Variants in SYMPK observed in about 807,000 individuals in gnomAD.
SYMPK encodes the protein symplekin.
SYMPK carries 49 observed loss-of-function variants against 136.4 expected under a neutral mutation model. The observed-to-expected ratio is 0.36, with a 90% CI of 0.29 to 0.46. The LOEUF (loss-of-function observed/expected upper bound fraction) is 0.46, where lower values mean the gene tolerates loss of function less well. Ranked by LOEUF, SYMPK falls within the 20% of genes least tolerant of loss-of-function variation. The pLI, the probability that SYMPK is intolerant of heterozygous loss-of-function variation, is 1.00. For missense variants in SYMPK, 1,365 were observed against 1,690.0 expected, an observed-to-expected ratio of 0.81 and a Z score of 3.37; for synonymous variants, 766 against 713.0, an observed-to-expected ratio of 1.07 and a Z score of -1.19.
At chr19:45,816,602 G>C in intron 24 of SYMPK, 25 bp from the exon 25 acceptor site, 3 of 1,612,666 alleles carry the variant, frequency 1.9e-6, no homozygotes, top group Non-Finnish European at 2.5e-6. Context: ...GGAAGGGGGC[G>C]CTGGGGGCAG....
In SYMPK at chr19:45,844,012, G is replaced by A. The variant is rs1000882525; in HGVS notation, c.847+18C>T. ...CAGTGAAGAGAAGGCAGGGGGAGGG[G>A]GGAGGACAATGACCTACCATGCAGA... On this transcript the variant is annotated intron_variant, in intron 8 of 26. Transcript: ENST00000245934. 21 of 1,476,434 alleles carry A rather than the reference G, an allele frequency of 1.4e-5. No homozygotes were observed. The highest frequency in any genetic ancestry group is 1.8e-5 in the Non-Finnish European group (20 of 1,105,246). 91.5% of individuals were successfully genotyped at this position (1,476,434 alleles called of 1,614,324 possible). A position where few individuals can be genotyped will look rare whatever the true frequency, so the allele number is the denominator to read the frequency against.
At chr19:45,838,408 G>A (rs764077396) in intron 10 of SYMPK, 53 bp downstream of exon 10, 39 of 1,572,968 alleles carry the variant, frequency 2.5e-5, no homozygotes, top group Middle Eastern at 3.4e-4. Flanking sequence ...GTGAAAGACC[G>A]AGGAGATCCT....
In SYMPK at chr19:45,838,574, G is replaced by A; in HGVS notation, c.1129C>T (p.Pro377Ser). The change falls in exon 10 of 27, where the codon CCA becomes TCA. Residue 377 changes from proline to serine, a missense_variant. Physicochemically the swap from Pro to Ser is moderately conservative, Grantham distance 74. Transcript: ENST00000245934. ...GCCTTCGAGGTCCCCGACGGGCCTG[G>A]CTCCAAGTCTTTGTCCTCATCGTCC... ...GEDDEDKDLE[P>S]GPSGTSKASA... The A allele has an allele frequency of 6.2e-7, 1 of 1,614,174 alleles. No individual in the cohort carries two copies. Among genetic ancestry groups the A allele is most frequent in the Non-Finnish European group, 8.5e-7 (1 of 1,180,024 alleles).
intron 17 of SYMPK, among the ~76,000 whole-genome samples, chr19:45,825,591 T>G (rs4803863): frequency 0.87 from 133,083 of 152,218 alleles, 58,389 homozygotes; most frequent in African/African-American, 0.95. Context: ...CTGGCTCCAA[T>G]CCCAGCCATG....
rs970957488 is a variant in SYMPK, at chr19:45,821,133, C to T, written c.2893+251G>A. The T allele has an allele frequency of 9.2e-6, 6 of 654,316 alleles. No homozygotes were observed. The highest frequency in any genetic ancestry group is 5.7e-5 in the African/African-American group (3 of 52,770). The allele number at this position is 654,316 out of a possible 1,614,324, so 40.5% of individuals were successfully genotyped here. On this transcript the variant is annotated intron_variant, in intron 22 of 26. Coordinates refer to ENST00000245934, the MANE Select transcript of SYMPK (RefSeq NM_004819.3). This position sits in a 1 kb window ranked among gnomAD's most constrained non-coding sequence, Gnocchi z 4.4. ...ACTCTGTGCCAGGGCACAGCAGGTA[C>T]ATCAGAGGCAGAAAAAGGTGGGTTG... is the stretch of plus-strand genomic sequence containing the variant.
intron 9 of SYMPK, among the ~76,000 whole-genome samples, chr19:45,840,314 A>C (rs1971405263): frequency 3.8e-5 from 3 of 78,896 alleles, no homozygotes; most frequent in Admixed American, 3.6e-4. Flanking sequence ...GACTGTCTCA[A>C]AAAAAAAAAA....
At chr19:45,857,783 A>G (rs567013382) in intron 1 of SYMPK, among the ~76,000 whole-genome samples, 343 of 146,156 alleles carry the variant, frequency 2.3e-3, no homozygotes, top group Middle Eastern at 4.1e-3. Context: ...GAGCCACCGC[A>G]ACCAGCCGAA....
intron 24 of SYMPK, 91 bp downstream of exon 24, chr19:45,816,707 A>T: frequency 6.7e-7 from 1 of 1,495,016 alleles, no homozygotes; most frequent in Non-Finnish European, 8.9e-7. Flanking sequence ...GTCCGCCTCC[A>T]TCCAGTCCCC....
Position 45,848,691 on chromosome 19 carries a change from T to C in SYMPK, c.426+59A>G, listed in dbSNP as rs985062546. 8 of 1,607,994 alleles carry C rather than the reference T, an allele frequency of 5.0e-6. No homozygotes were observed. In the Admixed American group the frequency reaches 6.7e-5, roughly 13 times the overall value. ...GATGCTGGTTTTGAACCCCAACATA[T>C]TAGTTTGTCAACGAGACATATCAGG... On this transcript the variant is annotated intron_variant, in intron 6 of 26. Transcript: ENST00000245934.
chr19:45,844,443 C>T (rs1311164771), intron 7 of SYMPK, among the ~76,000 whole-genome samples: 2 of 152,296 alleles, frequency 1.3e-5, no homozygotes, highest in East Asian at 3.9e-4. Context: ...GAGGCCAAGG[C>T]AGGCAGATCA....
Position 45,855,406 on chromosome 19 carries a change from A to G in SYMPK, c.-12-899T>C, listed in dbSNP as rs542259189. The G allele has an allele frequency of 2.6e-5, 4 of 152,358 alleles. No individual in the cohort carries two copies. The South Asian group carries it at 8.3e-4, about 32-fold the overall frequency. The allele number at this position is 152,358 out of a possible 1,614,324, so 9.4% of individuals were successfully genotyped here. On this transcript the variant is annotated intron_variant, in intron 1 of 26. Coordinates refer to ENST00000245934, the MANE Select transcript of SYMPK (RefSeq NM_004819.3). ...TAACGTAGCAGTATATGTCAATTACACAACTATTCATAATAGCAAAAGACT... is the reference window on the plus strand; with the variant it reads ...TAACGTAGCAGTATATGTCAATTACGCAACTATTCATAATAGCAAAAGACT...
At chr19:45,856,619 C>CAT (rs1299525932) in intron 1 of SYMPK, among the ~76,000 whole-genome samples, 1 of 152,058 alleles carries the variant, frequency 6.6e-6, no homozygotes. Context: ...TTTTTATGTA[C>CAT]ATGGGAAAAG....
At chr19:45,833,894 G>A (rs1488274597) in intron 11 of SYMPK, among the ~76,000 whole-genome samples, 1 of 152,204 alleles carries the variant, frequency 6.6e-6, no homozygotes, top group Non-Finnish European at 1.5e-5. Flanking sequence ...GCTCACGCCT[G>A]TAATCCCAGC....
chr19:45,820,844 T>TG, intron 22 of SYMPK: 1 of 444,008 alleles, frequency 2.3e-6, no homozygotes, highest in Admixed American at 4.0e-5. Context: ...ACCCACCAAG[T>TG]GGCGGACCAG....
At chr19:45,833,519 G>A (rs754191374) in intron 11 of SYMPK, among the ~76,000 whole-genome samples, 1 of 151,712 alleles carries the variant, frequency 6.6e-6, no homozygotes, top group Admixed American at 6.6e-5. Context: ...TGAGAATGGC[G>A]TGAACCCAGG....
intron 1 of SYMPK, among the ~76,000 whole-genome samples, chr19:45,859,829 G>T (rs530049645): frequency 6.6e-6 from 1 of 151,630 alleles, no homozygotes; most frequent in Non-Finnish European, 1.5e-5. Flanking sequence ...AGTACTTGAG[G>T]CCAGGAGTTT....
In SYMPK at chr19:45,821,524, G is replaced by A. The variant is rs1236148281; in HGVS notation, c.2792-39C>T. 10 of 1,411,540 alleles carry A rather than the reference G, an allele frequency of 7.1e-6. No individual in the cohort carries two copies. The highest frequency in any genetic ancestry group is 2.8e-5 in the African/African-American group (2 of 70,374). The allele number at this position is 1,411,540 out of a possible 1,614,324, so 87.4% of individuals were successfully genotyped here. A position where few individuals can be genotyped will look rare whatever the true frequency, so the allele number is the denominator to read the frequency against. On this transcript the variant is annotated intron_variant, in intron 21 of 26. Coordinates refer to ENST00000245934, the MANE Select transcript of SYMPK (RefSeq NM_004819.3). This position sits in a 1 kb window ranked among gnomAD's most constrained non-coding sequence, Gnocchi z 4.4. ...GAGGAAGGGTGGGGGAAGACAGTGCGGACGCATAAGTGAAGAGATGGGTCT... is the reference window on the plus strand; with the variant it reads ...GAGGAAGGGTGGGGGAAGACAGTGCAGACGCATAAGTGAAGAGATGGGTCT...
At chr19:45,862,831 G>A (rs924543785) in intron 1 of SYMPK, among the ~76,000 whole-genome samples, 1 of 152,238 alleles carries the variant, frequency 6.6e-6, no homozygotes, top group African/African-American at 2.4e-5. Context: ...AAGAGGCCGA[G>A]TCGAAGCAAG....
chr19:45,842,234 CA>C lies in SYMPK; in HGVS notation c.1087+15del. On this transcript the variant is annotated intron_variant, in intron 9 of 26. Coordinates refer to ENST00000245934, the MANE Select transcript of SYMPK (RefSeq NM_004819.3). ...TCAGCATGGTCTGCCTGCCCCACCC[CA>C]CCAGCCCCTCTCACCCAGCTTCATC... 1.2e-6 allele frequency: 2 copies of C among 1,613,838 alleles called. No homozygotes were observed. The highest frequency in any genetic ancestry group is 1.3e-5 in the African/African-American group (1 of 75,050).
Sources: gnomAD v4.1 joint callset for allele counts (sites outside exome capture counted in the v4.1 genomes callset) on GRCh38, gnomAD v4.1.1 for gene constraint, Gnocchi (gnomAD v3.1) non-coding constraint, MANE v1.5 for transcripts, NCBI Gene and HGNC (gene_info 2026-07-23, HGNC 2026-07-21) for gene names.